Variants in SGK1 observed in about 807,000 individuals in gnomAD.
The protein encoded by SGK1 is serine/threonine-protein kinase Sgk1.
In SGK1, 26 loss-of-function variants were observed where a neutral mutation model predicts 64.2. The observed-to-expected ratio is 0.40, with a 90% CI of 0.30 to 0.56. SGK1 has a LOEUF of 0.56. SGK1 is among the 20% of genes least tolerant of loss of function. The pLI, the probability that SGK1 is intolerant of heterozygous loss-of-function variation, is 0.38. For synonymous variants in SGK1, 265 were observed against 239.7 expected, an observed-to-expected ratio of 1.11 and a Z score of -0.98; for missense variants, 519 against 645.6, an observed-to-expected ratio of 0.80 and a Z score of 2.12.
chr6:134,185,440 C>A (rs1056984388), intron 3 of SGK1, among the ~76,000 whole-genome samples: 1 of 152,144 alleles, frequency 6.6e-6, no homozygotes, highest in Non-Finnish European at 1.5e-5. Context: ...GTTTTAAAGC[C>A]ATAGCAGAAT....
At chr6:134,299,924 C>T (rs1005562329) in intron 1 of SGK1, among the ~76,000 whole-genome samples, 1 of 150,830 alleles carries the variant, frequency 6.6e-6, no homozygotes, top group African/African-American at 2.4e-5. Flanking sequence ...AAATAAAATG[C>T]TTTTTTAATT....
intron 2 of SGK1, among the ~76,000 whole-genome samples, chr6:134,220,685 G>T (rs149055447): frequency 6.6e-6 from 1 of 152,098 alleles, no homozygotes; most frequent in African/African-American, 2.4e-5. Flanking sequence ...ATTGGTAAAG[G>T]TTATTATTAT....
intron 2 of SGK1, among the ~76,000 whole-genome samples, chr6:134,232,427 GAA>G (rs1491239160): frequency 0.14 from 1,637 of 11,544 alleles, 218 homozygotes; most frequent in South Asian, 0.31. Context: ...AAGAAAGAAA[GAA>G]AGAAAGAAAG....
At chr6:134,253,516 T>C (rs1393522265) in intron 2 of SGK1, among the ~76,000 whole-genome samples, 1 of 151,950 alleles carries the variant, frequency 6.6e-6, no homozygotes, top group Non-Finnish European at 1.5e-5. Context: ...AACAATTAGC[T>C]GGGCATGGTG....
chr6:134,309,119 A>G (rs1432391743), intron 1 of SGK1, among the ~76,000 whole-genome samples: 2 of 152,228 alleles, frequency 1.3e-5, no homozygotes, highest in Non-Finnish European at 2.9e-5. Flanking sequence ...CTAGAAAGCA[A>G]TTAGAGTAAT....
intron 3 of SGK1, among the ~76,000 whole-genome samples, chr6:134,194,742 T>TG (rs1402781406): frequency 1.3e-5 from 2 of 152,116 alleles, no homozygotes; most frequent in African/African-American, 4.8e-5. Flanking sequence ...AGGCTGGTCT[T>TG]GAAGTCCTTA....
At position 134,223,992 on chromosome 6, in the gene SGK1, C is replaced by T. The variant is rs183110243; in HGVS notation, c.286-16561G>A. On this transcript the variant is annotated intron_variant, in intron 2 of 13. Coordinates refer to ENST00000367858, the MANE Select transcript of SGK1 (RefSeq NM_001143676.3). ...TCCAGAATGTTGAGTTAATTTTTTA[C>T]GGAGGTTCCCAGATGTATTGGAAGA... Among the ~76,000 whole-genome samples the T allele has an allele frequency of 1.6e-4, 24 of 152,316 alleles. No homozygotes were observed. The East Asian group carries it at 3.1e-3, about 20-fold the overall frequency.
intron 2 of SGK1, chr6:134,218,858 C>T (rs376137951): frequency 1.3e-5 from 2 of 152,144 alleles, no homozygotes; most frequent in South Asian, 2.1e-4. Flanking sequence ...TCCATCTTAC[C>T]TAATTTTTTC....
chr6:134,184,909 T>C (rs1353862194), intron 3 of SGK1, among the ~76,000 whole-genome samples: 1 of 152,172 alleles, frequency 6.6e-6, no homozygotes, highest in African/African-American at 2.4e-5. Flanking sequence ...GGTCTCGAAC[T>C]CCTGGGCTCC....
At chr6:134,279,928 C>G (rs372767072) in intron 1 of SGK1, among the ~76,000 whole-genome samples, 6 of 152,170 alleles carry the variant, frequency 3.9e-5, no homozygotes, top group Middle Eastern at 6.8e-3. Flanking sequence ...TGGCTTATGC[C>G]TGCAATCTAA....
At chr6:134,305,173 C>T (rs900622490) in intron 1 of SGK1, among the ~76,000 whole-genome samples, 1 of 152,008 alleles carries the variant, frequency 6.6e-6, no homozygotes, top group Non-Finnish European at 1.5e-5. Flanking sequence ...GCCTGGTCAA[C>T]ATGGTGAAAC....
chr6:134,302,652 T>A (rs1484574990), intron 1 of SGK1, among the ~76,000 whole-genome samples: 1 of 152,184 alleles, frequency 6.6e-6, no homozygotes, highest in East Asian at 1.9e-4. Context: ...ATCTAACATA[T>A]TTTGAGTGCT....
intron 2 of SGK1, among the ~76,000 whole-genome samples, chr6:134,215,809 G>A (rs1003395843): frequency 5.3e-5 from 8 of 152,148 alleles, no homozygotes; most frequent in African/African-American, 1.7e-4. Context: ...CTGAGGCTGG[G>A]AGTTCGAGAC....
intron 2 of SGK1, among the ~76,000 whole-genome samples, chr6:134,208,944 T>C (rs1243308586): frequency 6.6e-6 from 1 of 151,772 alleles, no homozygotes; most frequent in Non-Finnish European, 1.5e-5. Flanking sequence ...TGATTTCTTT[T>C]CCTCTCGATA....
intron 3 of SGK1, among the ~76,000 whole-genome samples, chr6:134,183,827 C>T (rs894798156): frequency 5.9e-5 from 9 of 151,982 alleles, no homozygotes; most frequent in Non-Finnish European, 1.0e-4. Flanking sequence ...CCCAGCTGAT[C>T]CTTTAGAAGA....
intron 1 of SGK1, among the ~76,000 whole-genome samples, chr6:134,280,121 G>T (rs1777071631): frequency 6.6e-6 from 1 of 151,664 alleles, no homozygotes; most frequent in African/African-American, 2.4e-5. Context: ...CTTGAGCCCA[G>T]GAGGTTGAGG....
chr6:134,200,653 A>T (rs542079706), intron 3 of SGK1, among the ~76,000 whole-genome samples: 89 of 152,264 alleles, frequency 5.8e-4, no homozygotes, highest in African/African-American at 2.1e-3. Flanking sequence ...CCTGTAATCC[A>T]AGCACTTTGG....
intron 1 of SGK1, 149 bp from the exon 2 acceptor site, chr6:134,262,297 C>T (rs1776779185): frequency 6.8e-6 from 4 of 587,692 alleles, no homozygotes; most frequent in East Asian, 2.7e-5. Flanking sequence ...CAACACAATT[C>T]GAATTGGTCA....
At chr6:134,196,816 A>G (rs1775601742) in intron 3 of SGK1, among the ~76,000 whole-genome samples, 1 of 152,264 alleles carries the variant, frequency 6.6e-6, no homozygotes, top group Non-Finnish European at 1.5e-5. Context: ...TGATGGATTA[A>G]GTCTTCAAAA....
Sources: allele counts gnomAD v4.1 joint callset (sites outside exome capture counted in the v4.1 genomes callset), GRCh38; gene constraint gnomAD v4.1.1; transcripts MANE v1.5; gene names NCBI Gene and HGNC (gene_info 2026-07-23, HGNC 2026-07-21).